KIF26A: variants seen among roughly 807,000 people sequenced by gnomAD.
KIF26A encodes the protein kinesin family member 26A.
A neutral mutation model predicts 126.0 loss-of-function variants in KIF26A; 74 were observed. The ratio of observed to expected loss-of-function variants is 0.59; its 90% CI spans 0.49 to 0.71. The LOEUF (loss-of-function observed/expected upper bound fraction) is 0.71. KIF26A is among the 30% of genes least tolerant of loss of function. The pLI is 0.00. For missense variants in KIF26A, 2,984 were observed against 2,763.3 expected (o/e 1.08, Z -1.79); for synonymous variants, 1,445 against 1,232.7 (o/e 1.17, Z -3.61).
rs947088081 is a variant in KIF26A at position 104,153,123 on chromosome 14, A to G, written c.735+662A>G. ...GTCTCTGGGGCAACATTGGCCACTG[A>G]TCCTAAGGCCAGGCAGACCCTGCCC... On this transcript the variant is annotated intron_variant, in intron 3 of 14. Coordinates refer to ENST00000423312, the MANE Select transcript of KIF26A (RefSeq NM_015656.2). Among the ~76,000 whole-genome samples the G allele has an allele frequency of 2.0e-5, 3 of 152,078 alleles. No homozygotes were observed. In the East Asian group the frequency reaches 5.8e-4, roughly 29 times the overall value.
chr14:104,175,661 T>G lies in KIF26A; in HGVS notation c.2873T>G (p.Leu958Trp), dbSNP rs756817638. Residue 958 changes from leucine (L) to tryptophan (W), a missense_variant, in exon 12 of 15, where the codon TTG becomes TGG. Physicochemically the swap from Leu to Trp is moderately conservative, Grantham distance 61. Coordinates refer to ENST00000423312, the MANE Select transcript of KIF26A (RefSeq NM_015656.2). ...LPSPAPPPPQ[L>W]LEACRAPEEP... Reference sequence around the variant, plus strand: ...AGCCCGGCTCCCCCACCTCCTCAGTTGCTGGAAGCCTGCAGAGCCCCAGAA... The same window carrying G: ...AGCCCGGCTCCCCCACCTCCTCAGTGGCTGGAAGCCTGCAGAGCCCCAGAA... 12 of 1,609,018 alleles carry G rather than the reference T, an allele frequency of 7.5e-6. No homozygotes were observed. The highest frequency in any genetic ancestry group is 8.5e-6 in the Non-Finnish European group (10 of 1,178,840).
chr14:104,154,904 C>T (rs933983918), intron 3 of KIF26A, among the ~76,000 whole-genome samples: 12 of 152,196 alleles, frequency 7.9e-5, no homozygotes, highest in African/African-American at 2.4e-4. Context: ...TTGGGGGCTC[C>T]TGCCACCGCT....
In KIF26A at chr14:104,148,834, G is replaced by A. The variant is rs1000392214; in HGVS notation, c.289-3181G>A. On this transcript the variant is annotated intron_variant, in intron 2 of 14. Transcript: ENST00000423312. The surrounding 1 kb of genome is among the most constrained non-coding windows in gnomAD (Gnocchi z 4.3). Reference sequence around the variant, plus strand: ...CCTGGGAGCCACCCATGTCAGCAGCGGCCTCCCTGAGCCCCTCCCTGGAGC... The same window carrying A: ...CCTGGGAGCCACCCATGTCAGCAGCAGCCTCCCTGAGCCCCTCCCTGGAGC... 1.3e-5 allele frequency among the ~76,000 whole-genome samples: 2 copies of A among 152,198 alleles called. No individual in the cohort carries two copies. Among genetic ancestry groups the A allele is most frequent in the Non-Finnish European group, 2.9e-5 (2 of 68,028 alleles).
intron 12 of KIF26A, 21 bp downstream of exon 12, chr14:104,177,919 C>G: frequency 2.7e-6 from 4 of 1,484,436 alleles, no homozygotes; most frequent in Non-Finnish European, 3.6e-6. Flanking sequence ...AGGTGCACAG[C>G]CCTCTACAGT....
At chr14:104,160,657 C>G (rs2037824696) in intron 4 of KIF26A, among the ~76,000 whole-genome samples, 1 of 152,138 alleles carries the variant, frequency 6.6e-6, no homozygotes, top group African/African-American at 2.4e-5. Context: ...TGGTGACCCC[C>G]AGGGTTAGGA....
At chr14:104,144,491 G>C (rs2037664150) in intron 2 of KIF26A, among the ~76,000 whole-genome samples, 2 of 152,200 alleles carry the variant, frequency 1.3e-5, no homozygotes, top group Admixed American at 6.5e-5. Context: ...GGCTTGTGAG[G>C]GTTTGGAGTG....
At position 104,167,011 on chromosome 14, in the gene KIF26A, C is replaced by T; in HGVS notation, c.1076C>T (p.Ala359Val). The T allele has an allele frequency of 6.3e-7, 1 of 1,579,900 alleles. No individual in the cohort carries two copies. The highest frequency in any genetic ancestry group is 8.6e-7 in the Non-Finnish European group (1 of 1,164,056). ...GCGCCCCCCTGCCTGCTCAGGGCCG[C>T]CTCCAAGACCAAGGACAACCCTGGC... The part of the protein sequence containing the change: ...PPAPPCLLRA[A>V]SKTKDNPGSI... Residue 359 changes from alanine (A) to valine (V), a missense_variant, in exon 5 of 15, where the codon GCC becomes GTC. Physicochemically the swap from Ala to Val is moderately conservative, Grantham distance 64 (BLOSUM62 0). Transcript: ENST00000423312.
chr14:104,147,363 A>T (rs2037689526), intron 2 of KIF26A, among the ~76,000 whole-genome samples: 1 of 152,226 alleles, frequency 6.6e-6, no homozygotes, highest in Middle Eastern at 3.4e-3. Flanking sequence ...GCCCTTGGGG[A>T]TGGCGTGCCG....
In KIF26A at chr14:104,179,742, C is replaced by A; in HGVS notation, c.5601C>A (p.Ser1867Arg). 2 of 1,554,334 alleles carry A rather than the reference C, an allele frequency of 1.3e-6. No individual in the cohort carries two copies. The highest frequency in any genetic ancestry group is 1.7e-6 in the Non-Finnish European group (2 of 1,149,702). The change falls in exon 15 of 15, where the codon AGC (serine) becomes AGA (arginine). Residue 1867 changes from serine to arginine, a missense_variant. By Grantham distance (110) the Ser-to-Arg change is moderately radical. Transcript: ENST00000423312. ...TGATGGTCACCTGCTTCGACATCAGCGTTGCAGCCAGTGCTGCCATCCCGG... is the reference window on the plus strand; with the variant it reads ...TGATGGTCACCTGCTTCGACATCAGAGTTGCAGCCAGTGCTGCCATCCCGG... ...HVMMVTCFDI[S>R]VAASAAIPGP...
chr14:104,175,560 A>G lies in KIF26A; in HGVS notation c.2772A>G (p.Arg924=), dbSNP rs2038012605. 1 of 1,605,466 alleles carries G rather than the reference A, an allele frequency of 6.2e-7. No homozygotes were observed. The highest frequency in any genetic ancestry group is 2.2e-5 in the East Asian group (1 of 44,846). Residue 924 remains arginine, a synonymous_variant, in exon 12 of 15, where the codon AGA becomes AGG. Coordinates refer to ENST00000423312, the MANE Select transcript of KIF26A (RefSeq NM_015656.2). ...PCKAIVWGDQ[R]EDSSAWPELL... Reference sequence around the variant, plus strand: ...AGGCCATTGTCTGGGGTGACCAGAGAGAGGACAGCAGCGCTTGGCCTGAGC... The same window carrying G: ...AGGCCATTGTCTGGGGTGACCAGAGGGAGGACAGCAGCGCTTGGCCTGAGC...
At chr14:104,145,714 G>A (rs1471792527) in intron 2 of KIF26A, among the ~76,000 whole-genome samples, 1 of 152,142 alleles carries the variant, frequency 6.6e-6, no homozygotes, top group African/African-American at 2.4e-5. Context: ...TTCGGTTCAC[G>A]GCTGTAGCCC....
intron 3 of KIF26A, among the ~76,000 whole-genome samples, chr14:104,153,945 C>T (rs1012844487): frequency 8.5e-5 from 13 of 152,092 alleles, no homozygotes; most frequent in African/African-American, 1.9e-4. Context: ...CCTCTCCCAG[C>T]GTTATGTGCA....
intron 5 of KIF26A, among the ~76,000 whole-genome samples, chr14:104,171,179 C>T (rs1042853953): frequency 6.6e-6 from 1 of 152,270 alleles, no homozygotes; most frequent in African/African-American, 2.4e-5. Context: ...CGGCAGGCCA[C>T]AGGGTGCCAG....
rs376286384 is a variant in KIF26A, at chr14:104,172,660, T to G, written c.1412T>G (p.Met471Arg). ...GGCTGCATTTTTTCCTTTGGCCACATGAGCCTGGGTAAGCACCCTTGCCCC... is the reference window on the plus strand; with the variant it reads ...GGCTGCATTTTTTCCTTTGGCCACAGGAGCCTGGGTAAGCACCCTTGCCCC... Reference protein sequence around the residue: ...ADGCIFSFGHMSLGKSYTMIG... With the variant: ...ADGCIFSFGHRSLGKSYTMIG... Residue 471 changes from methionine to arginine, a missense_variant, in exon 7 of 15, where the codon ATG (methionine) becomes AGG (arginine). Physicochemically the swap from Met to Arg is moderately conservative, Grantham distance 91. Coordinates refer to ENST00000423312, the MANE Select transcript of KIF26A (RefSeq NM_015656.2). The G allele has an allele frequency of 3.0e-5, 49 of 1,612,230 alleles. No individual in the cohort carries two copies. The African/African-American group carries it at 5.9e-4, about 19-fold the overall frequency.
Position 104,146,858 on chromosome 14 carries a change from G to A in KIF26A, c.289-5157G>A, listed in dbSNP as rs947646692. 1.9e-4 allele frequency among the ~76,000 whole-genome samples: 29 copies of A among 152,260 alleles called. 1 individual carries two copies. Among genetic ancestry groups the A allele is most frequent in the Admixed American group, 1.7e-3 (26 of 15,304 alleles). On this transcript the variant is annotated intron_variant, in intron 2 of 14. Coordinates refer to ENST00000423312, the MANE Select transcript of KIF26A (RefSeq NM_015656.2). ...CGGGGCAGGCCAGGTGACAGGAGGC[G>A]GGCGCTCTGGGGGCTGTGTTTGGAG...
chr14:104,179,154 A>G, intron 13 of KIF26A, 82 bp from the exon 14 acceptor site: 1 of 1,355,532 alleles, frequency 7.4e-7, no homozygotes, highest in Non-Finnish European at 9.5e-7. Context: ...AGGTGAAGGG[A>G]GGCGGGGGCC....
At chr14:104,160,284 G>C (rs565451844) in intron 4 of KIF26A, among the ~76,000 whole-genome samples, 11 of 152,244 alleles carry the variant, frequency 7.2e-5, no homozygotes, top group African/African-American at 2.4e-4. Context: ...GAATCCCGTG[G>C]GCCTGGGGAG....
At chr14:104,158,212 C>T (rs2037801289) in intron 4 of KIF26A, among the ~76,000 whole-genome samples, 3 of 152,228 alleles carry the variant, frequency 2.0e-5, no homozygotes, top group African/African-American at 4.8e-5. Flanking sequence ...TGAGTTGGAG[C>T]CTGGTCCCTG....
At chr14:104,163,384 C>A (rs536755421) in intron 4 of KIF26A, among the ~76,000 whole-genome samples, 1 of 152,302 alleles carries the variant, frequency 6.6e-6, no homozygotes, top group Admixed American at 6.5e-5. Flanking sequence ...ACACAGACAG[C>A]GTGGGCGAGT....
Sources: gnomAD v4.1 joint callset for allele counts (sites outside exome capture counted in the v4.1 genomes callset) on GRCh38, gnomAD v4.1.1 for gene constraint, Gnocchi (gnomAD v3.1) non-coding constraint, MANE v1.5 for transcripts, NCBI Gene and HGNC (gene_info 2026-07-23, HGNC 2026-07-21) for gene names.